The following TBX10 variants were observed in gnomAD, a reference collection of about 807,000 sequenced individuals.
TBX10 encodes T-box transcription factor TBX10.
TBX10 carries 26 observed loss-of-function variants against 32.4 expected under a neutral mutation model. The observed-to-expected ratio is 0.80, with a 90% confidence interval of 0.59 to 1.11. The LOEUF is 1.11. Among genes scored for constraint, TBX10 ranks in the 50% most tolerant of loss-of-function variants. The pLI is 0.00. For missense variants in TBX10, 490 were observed against 494.5 expected, an observed-to-expected ratio of 0.99 and a Z score of 0.09; for synonymous variants, 195 against 203.1, an observed-to-expected ratio of 0.96 and a Z score of 0.34.
In TBX10 at chr11:67,639,527, A is replaced by C; in HGVS notation, c.-55T>G. On this transcript the variant is annotated 5_prime_UTR_variant, in exon 1 of 8. Coordinates refer to ENST00000335385, the MANE Select transcript of TBX10 (RefSeq NM_005995.5). ...GAAACACTGCTTGGCTGGGGCTGGG[A>C]ACCTGCCTGCTGGAAGGGGTGGTCA... 6.2e-7 allele frequency: 1 copy of C among 1,611,146 alleles called. No homozygotes were observed. Among genetic ancestry groups the C allele is most frequent in the Non-Finnish European group, 8.5e-7 (1 of 1,179,110 alleles).
intron 1 of TBX10, 81 bp downstream of exon 1, chr11:67,639,385 G>A (rs1855373909): frequency 2.4e-6 from 3 of 1,246,528 alleles, no homozygotes; most frequent in East Asian, 2.3e-5. Flanking sequence ...CAGCGGGGCT[G>A]TCTTGGTTCC....
Position 67,632,999 on chromosome 11 carries a change from G to A in TBX10, c.654C>T (p.Phe218=). The change falls in exon 5 of 8, where the codon TTC becomes TTT. Residue 218 remains phenylalanine (F), a synonymous_variant. Coordinates refer to ENST00000335385, the MANE Select transcript of TBX10 (RefSeq NM_005995.5). Reference sequence around the variant, plus strand: ...CTGTGAACTGGGTCTCTGTGAAGATGAAGGACTTGAAGTTCTCCTGGGCAT... The same window carrying A: ...CTGTGAACTGGGTCTCTGTGAAGATAAAGGACTTGAAGTTCTCCTGGGCAT... ...ERYAQENFKS[F]IFTETQFTAV... is the part of the protein sequence containing the mutation. 6.2e-7 allele frequency: 1 copy of A among 1,614,212 alleles called. No homozygotes were observed. Among genetic ancestry groups the A allele is most frequent in the Non-Finnish European group, 8.5e-7 (1 of 1,180,018 alleles).
intron 1 of TBX10, among the ~76,000 whole-genome samples, chr11:67,638,467 T>C (rs1166915912): frequency 2.0e-5 from 3 of 152,162 alleles, no homozygotes; most frequent in Admixed American, 2.0e-4. Context: ...TTTACACGAC[T>C]GTAAGACTAT....
intron 4 of TBX10, 110 bp from the exon 5 acceptor site, chr11:67,633,213 G>A (rs1330773087): frequency 1.2e-5 from 17 of 1,375,836 alleles, no homozygotes; most frequent in Non-Finnish European, 1.7e-5. Flanking sequence ...CTGCCACCCT[G>A]TTCCTTTCAT....
intron 1 of TBX10, among the ~76,000 whole-genome samples, chr11:67,636,248 CTT>C (rs35028053): frequency 1.0e-3 from 140 of 136,212 alleles, no homozygotes; most frequent in Admixed American, 2.8e-3. Context: ...CACACGGCTA[CTT>C]TTTTTTTTTT....
chr11:67,633,390 T>C (rs1855271007), intron 4 of TBX10, among the ~76,000 whole-genome samples: 1 of 152,150 alleles, frequency 6.6e-6, no homozygotes, highest in South Asian at 2.1e-4. Context: ...GGTTGCCTCC[T>C]GGCCTGTCCC....
chr11:67,635,362 C>G, intron 1 of TBX10, 99 bp from the exon 2 acceptor site: 2 of 1,541,156 alleles, frequency 1.3e-6, no homozygotes, highest in Non-Finnish European at 1.8e-6. Flanking sequence ...GAAGCCCTCC[C>G]TGACTGCCAG....
chr11:67,639,406 AC>A, intron 1 of TBX10, 59 bp downstream of exon 1: 3 of 311,834 alleles, frequency 9.6e-6, no homozygotes, highest in Non-Finnish European at 1.7e-5. Context: ...CACCCTGCCC[AC>A]CCACCCTGGA....
rs371576719 is a variant in TBX10, at chr11:67,631,505, C to T, written c.*100G>A. Reference sequence around the variant, plus strand: ...CTAGACTTTCACCTACCCTGCTCTCCTTGAGACAGAGATGGGGCTGGAGGG... The same window carrying T: ...CTAGACTTTCACCTACCCTGCTCTCTTTGAGACAGAGATGGGGCTGGAGGG... On this transcript the variant is annotated 3_prime_UTR_variant, in exon 8 of 8. Transcript: ENST00000335385. The T allele has an allele frequency of 1.5e-4, 218 of 1,463,782 alleles. 3 individuals carry two copies. In the African/African-American group the frequency reaches 2.6e-3, roughly 17 times the overall value. The allele number at this position is 1,463,782 out of a possible 1,614,324, so 90.7% of individuals were successfully genotyped here. A position where few individuals can be genotyped will look rare whatever the true frequency, so the allele number is the denominator to read the frequency against.
intron 7 of TBX10, 57 bp downstream of exon 7, chr11:67,632,261 C>T (rs1270139736): frequency 3.1e-6 from 5 of 1,598,134 alleles, no homozygotes; most frequent in Non-Finnish European, 4.3e-6. Context: ...TGTCCCTTTG[C>T]CTTCCGCCCA....
chr11:67,639,952 G>A (rs1855382639), upstream of TBX10, among the ~76,000 whole-genome samples: 1 of 152,178 alleles, frequency 6.6e-6, no homozygotes, highest in Non-Finnish European at 1.5e-5. Context: ...AGGACGGCTG[G>A]GCATCTGCAG....
At position 67,631,762 on chromosome 11, in the gene TBX10, G is replaced by C; in HGVS notation, c.1001C>G (p.Ala334Gly). 1 of 1,607,344 alleles carries C rather than the reference G, an allele frequency of 6.2e-7. No homozygotes were observed. The highest frequency in any genetic ancestry group is 8.5e-7 in the Non-Finnish European group (1 of 1,177,372). ...PVTYQSLYSG[A>G]PSHLGIPRTR... ...CCTTGGGATCCCTAGGTGGCTCGGG[G>C]CTCCAGAGTACAGGCTCTGATACGT... The change falls in exon 8 of 8, where the codon GCC becomes GGC. Residue 334 changes from alanine to glycine, a missense_variant. By Grantham distance (60) the Ala-to-Gly change is moderately conservative. This residue lies in a region of TBX10 where 177 missense variants were observed against 176.6 expected (regional missense o/e 1.00). Transcript: ENST00000335385.
Position 67,635,124 on chromosome 11 carries a change from C to T in TBX10, c.147G>A (p.Val49=), listed in dbSNP as rs777415056. 15 of 1,613,694 alleles carry T rather than the reference C, an allele frequency of 9.3e-6. No homozygotes were observed. The highest frequency in any genetic ancestry group is 1.2e-5 in the Non-Finnish European group (14 of 1,180,036). The change falls in exon 2 of 8, where the codon GTG becomes GTA. Residue 49 remains valine, a synonymous_variant. Transcript: ENST00000335385. ...TGGGGCCCTGCCCAGTGGGCTCGGC[C>T]ACAGCTTGGGCCCCAGTAGAGCTGG... ...PCTSSTGAQA[V]AEPTGQGPKN...
At chr11:67,639,409 C>T in intron 1 of TBX10, 57 bp downstream of exon 1, 1 of 1,507,010 alleles carries the variant, frequency 6.6e-7, no homozygotes, top group Non-Finnish European at 9.2e-7. Context: ...CCTGCCCACC[C>T]ACCCTGGAAC....
Position 67,634,176 on chromosome 11 carries a change from G to A in TBX10, c.549+13C>T, listed in dbSNP as rs1855283998. The A allele has an allele frequency of 1.2e-6, 2 of 1,611,824 alleles. No homozygotes were observed. Among genetic ancestry groups the A allele is most frequent in the South Asian group, 1.1e-5 (1 of 91,082 alleles). On this transcript the variant is annotated intron_variant, in intron 4 of 7. Coordinates refer to ENST00000335385, the MANE Select transcript of TBX10 (RefSeq NM_005995.5). ...CCCAGGCCCTTCCGTCCCCACCGTG[G>A]CCCCGGCCTCACGTGGCCATTGTCA...
intron 1 of TBX10, 31 bp downstream of exon 1, chr11:67,639,435 G>A (rs990858575): frequency 8.2e-7 from 1 of 1,223,882 alleles, no homozygotes; most frequent in African/African-American, 1.8e-5. Flanking sequence ...CCTGACCCAT[G>A]AGGCCACCTC....
intron 1 of TBX10, among the ~76,000 whole-genome samples, chr11:67,636,338 C>T (rs573193604): frequency 5.3e-5 from 8 of 151,348 alleles, no homozygotes; most frequent in African/African-American, 1.5e-4. Flanking sequence ...CCACCTCGGC[C>T]TCCTAAAGTG....
chr11:67,640,401 T>C (rs1855389162), upstream of TBX10, among the ~76,000 whole-genome samples: 1 of 152,214 alleles, frequency 6.6e-6, no homozygotes, highest in African/African-American at 2.4e-5. Flanking sequence ...CTGGGGGCAC[T>C]GCCCTGGCTG....
rs770108299 is a variant in TBX10 at position 67,633,050 on chromosome 11, C to T, written c.603G>A (p.Val201=). ...RYQPRFHVVF[V]DPRKDSERYA... ...AGCGCTCACTGTCCTTGCGTGGGTCCACGAAGACCACGTGGAAACGGGGCT... is the reference window on the plus strand; with the variant it reads ...AGCGCTCACTGTCCTTGCGTGGGTCTACGAAGACCACGTGGAAACGGGGCT... Residue 201 remains valine, a synonymous_variant, in exon 5 of 8, where the codon GTG becomes GTA. Coordinates refer to ENST00000335385, the MANE Select transcript of TBX10 (RefSeq NM_005995.5). 16 of 1,614,134 alleles carry T rather than the reference C, an allele frequency of 9.9e-6. No homozygotes were observed. The highest frequency in any genetic ancestry group is 1.4e-5 in the Non-Finnish European group (16 of 1,179,976).
Sources: allele counts gnomAD v4.1 joint callset (sites outside exome capture counted in the v4.1 genomes callset), GRCh38; gene constraint gnomAD v4.1.1; regional missense constraint gnomAD v4.1.1; transcripts MANE v1.5; gene names NCBI Gene and HGNC (gene_info 2026-07-23, HGNC 2026-07-21).